RPL3L: variants seen among roughly 807,000 people sequenced by gnomAD.
RPL3L encodes ribosomal protein L3 like, also known as ribosomal protein uL3-like.
In RPL3L, 44 loss-of-function variants were observed where a neutral mutation model predicts 44.5. The ratio of observed to expected loss-of-function variants is 0.99; its 90% CI spans 0.78 to 1.27. The LOEUF is 1.27. RPL3L is among the 50% of genes most tolerant of loss of function. The pLI, the probability that RPL3L is intolerant of heterozygous loss-of-function variation, is 0.00. For missense variants in RPL3L, 631 were observed against 569.1 expected (o/e 1.11, Z -1.11); for synonymous variants, 292 against 230.7 (o/e 1.27, Z -2.41).
intron 4 of RPL3L, among the ~76,000 whole-genome samples, chr16:1,950,373 G>C (rs570583245): frequency 1.8e-4 from 27 of 152,078 alleles, no homozygotes; most frequent in Non-Finnish European, 3.7e-4. Context: ...GGGGGCTGTG[G>C]GAAGCTCAGG....
At chr16:1,945,393 C>T (rs1290271192) in intron 9 of RPL3L, 106 bp downstream of exon 9, 4 of 1,193,154 alleles carry the variant, frequency 3.4e-6, no homozygotes, top group Non-Finnish European at 4.6e-6. Flanking sequence ...GTCTCTCCTG[C>T]AGTTGAGCTC....
In RPL3L at chr16:1,945,490, T is replaced by G. The variant is rs2150860572; in HGVS notation, c.1167+9A>C. 2 of 1,605,902 alleles carry G rather than the reference T, an allele frequency of 1.2e-6. No homozygotes were observed. The highest frequency in any genetic ancestry group is 1.7e-6 in the Non-Finnish European group (2 of 1,176,248). On this transcript the variant is annotated intron_variant, in intron 9 of 9. Coordinates refer to ENST00000268661, the MANE Select transcript of RPL3L (RefSeq NM_005061.3). ...CAGAGAAGAACAAGGATGGGGGCGG[T>G]GAGCTCACCATGAAGGCCCTCTTCT...
chr16:1,945,373 A>AT, intron 9 of RPL3L, 126 bp downstream of exon 9: 1 of 987,556 alleles, frequency 1.0e-6, no homozygotes, highest in Non-Finnish European at 1.4e-6. Context: ...AAATAAATAA[A>AT]AAAAAAAGAG....
intron 3 of RPL3L, among the ~76,000 whole-genome samples, chr16:1,951,928 C>T (rs2083174312): frequency 6.6e-6 from 1 of 151,664 alleles, no homozygotes; most frequent in African/African-American, 2.4e-5. Flanking sequence ...TGCTAACATT[C>T]CATCAAATTA....
At chr16:1,945,780 G>A in intron 8 of RPL3L, 55 bp downstream of exon 8, 1 of 1,609,496 alleles carries the variant, frequency 6.2e-7, no homozygotes, top group Non-Finnish European at 8.5e-7. Flanking sequence ...CCGCAGGGCA[G>A]GACAGGCTGG....
chr16:1,951,011 C>T, intron 3 of RPL3L, 32 bp from the exon 4 acceptor site: 4 of 1,608,386 alleles, frequency 2.5e-6, no homozygotes, highest in Non-Finnish European at 3.4e-6. Flanking sequence ...GCTCAGAAGC[C>T]CCCAACCGGG....
intron 3 of RPL3L, among the ~76,000 whole-genome samples, 162 bp downstream of exon 3, chr16:1,952,710 AAC>A (rs142507470): frequency 2.3e-4 from 34 of 150,086 alleles, no homozygotes; most frequent in Non-Finnish European, 3.1e-4. Context: ...GCAACCACAC[AAC>A]ACACACACAC....
intron 4 of RPL3L, among the ~76,000 whole-genome samples, chr16:1,947,938 ATTTTTTTT>A (rs1158555053): frequency 3.6e-5 from 4 of 109,998 alleles, no homozygotes; most frequent in African/African-American, 7.1e-5. Context: ...ATCTGATTGG[ATTTTTTTT>A]TTTTTTTTTT....
At chr16:1,944,915 GAGGAGCCTT>G (rs1567308094) in intron 9 of RPL3L, 22 bp from the exon 10 acceptor site, 1 of 1,588,774 alleles carries the variant, frequency 6.3e-7, no homozygotes, top group South Asian at 1.1e-5. Context: ...GGTGGTGCAG[GAGGAGCCTT>G]AGTCACTCTG....
chr16:1,944,935 G>A, intron 9 of RPL3L, 42 bp from the exon 10 acceptor site: 1 of 1,613,162 alleles, frequency 6.2e-7, no homozygotes, highest in Non-Finnish European at 8.5e-7. Flanking sequence ...AGTCACTCTG[G>A]CCAGAAACAC....
chr16:1,944,885 T>C lies in RPL3L; in HGVS notation c.1176A>G (p.Gln392=), dbSNP rs147548241. The C allele has an allele frequency of 1.0e-4, 162 of 1,613,924 alleles. No individual in the cohort carries two copies. The African/African-American group carries it at 1.8e-3, about 18-fold the overall frequency. ...AQEKRAFMGP[Q]KKHLEKETPE... ...GCGTTTCCTTCTCCAGATGCTTCTTTTGGGGGCCCTGGTTGAGAGGGTGGT... is the reference window on the plus strand; with the variant it reads ...GCGTTTCCTTCTCCAGATGCTTCTTCTGGGGGCCCTGGTTGAGAGGGTGGT... The change falls in exon 10 of 10, where the codon CAA becomes CAG. Residue 392 remains glutamine (Q), a synonymous_variant. Transcript: ENST00000268661.
In RPL3L at chr16:1,950,698, G is replaced by A. The variant is rs955344366; in HGVS notation, c.501+146C>T. 4.9e-5 allele frequency: 62 copies of A among 1,268,962 alleles called. No individual in the cohort carries two copies. The Admixed American group carries it at 5.2e-4, about 11-fold the overall frequency. The allele number at this position is 1,268,962 out of a possible 1,614,324, so 78.6% of individuals were successfully genotyped here. A position where few individuals can be genotyped will look rare whatever the true frequency, so the allele number is the denominator to read the frequency against. ...TCAGCAGCCATGCCTGGGGCTGCAC[G>A]TGGCCAGCGAGGCTGGTCAGCCGCT... is the stretch of plus-strand genomic sequence containing the variant. On this transcript the variant is annotated intron_variant, in intron 4 of 9. Coordinates refer to ENST00000268661, the MANE Select transcript of RPL3L (RefSeq NM_005061.3).
At chr16:1,952,378 G>C (rs1263541697) in intron 3 of RPL3L, among the ~76,000 whole-genome samples, 4 of 151,250 alleles carry the variant, frequency 2.6e-5, no homozygotes, top group African/African-American at 9.7e-5. Context: ...TTTGTTTTTT[G>C]TGTTTTTCTT....
intron 4 of RPL3L, among the ~76,000 whole-genome samples, chr16:1,949,726 AGTATGTACGGGGCAGGTATGTACG>A (rs2083155984): frequency 2.3e-5 from 2 of 85,402 alleles, no homozygotes; most frequent in African/African-American, 4.6e-5. Flanking sequence ...TGGACGGGGC[AGTATGTACGGGGCAGGTATGTACG>A]GGGCAGGTAT....
intron 4 of RPL3L, among the ~76,000 whole-genome samples, chr16:1,949,765 G>A (rs1420682639): frequency 3.1e-5 from 3 of 98,280 alleles, no homozygotes; most frequent in East Asian, 3.2e-4. Context: ...AGGTATGTAG[G>A]GGGCAGGTAT....
intron 4 of RPL3L, among the ~76,000 whole-genome samples, chr16:1,950,311 A>T (rs984729519): frequency 2.6e-5 from 4 of 151,540 alleles, no homozygotes; most frequent in African/African-American, 7.3e-5. Context: ...AACACACACC[A>T]GTGACTGGCC....
chr16:1,946,888 G>C lies in RPL3L; in HGVS notation c.849+50C>G, dbSNP rs557944117. 9.2e-5 allele frequency: 145 copies of C among 1,569,744 alleles called. 1 individual carries two copies. In the Admixed American group the frequency reaches 2.2e-3, roughly 24 times the overall value. ...CCCCACCCACTGAGGCCAGTACTGA[G>C]GGCTGGGGTCCGACCACACAGTGTC... On this transcript the variant is annotated intron_variant, in intron 6 of 9. Coordinates refer to ENST00000268661, the MANE Select transcript of RPL3L (RefSeq NM_005061.3).
intron 4 of RPL3L, among the ~76,000 whole-genome samples, chr16:1,948,700 G>GTTTT (rs35729569): frequency 1.4e-5 from 2 of 144,200 alleles, no homozygotes; most frequent in Non-Finnish European, 3.1e-5. Context: ...ATGCCCAGTT[G>GTTTT]TTTTTTTTTT....
At chr16:1,946,601 G>A (rs374161567) in intron 7 of RPL3L, 24 bp downstream of exon 7, 1 of 1,605,454 alleles carries the variant, frequency 6.2e-7, no homozygotes, top group African/African-American at 1.3e-5. Context: ...GATGGGCCTG[G>A]CAGTCGCCCC....
Sources: gnomAD v4.1 joint callset for allele counts (sites outside exome capture counted in the v4.1 genomes callset) on GRCh38, gnomAD v4.1.1 for gene constraint, MANE v1.5 for transcripts, NCBI Gene and HGNC (gene_info 2026-07-23, HGNC 2026-07-21) for gene names.